Variants in PCDHGA3 observed in about 807,000 individuals in gnomAD.
The protein encoded by PCDHGA3 is protocadherin gamma-A3.
In PCDHGA3, 40 loss-of-function variants were observed where a neutral mutation model predicts 58.5. That is an observed-to-expected ratio of 0.68 (90% CI 0.53 to 0.89). The LOEUF is 0.89. Among genes scored for constraint, PCDHGA3 ranks in the 40% least tolerant of loss-of-function variants. The pLI, the probability that PCDHGA3 is intolerant of heterozygous loss-of-function variation, is 0.00. For synonymous variants in PCDHGA3, 530 were observed against 525.7 expected (o/e 1.01, Z -0.11); for missense variants, 1,223 against 1,195.9 (o/e 1.02, Z -0.33).
At position 141,491,766 on chromosome 5, in the gene PCDHGA3, T is replaced by G. The variant is rs772444495; in HGVS notation, c.2425-3041T>G. On this transcript the variant is annotated intron_variant, in intron 1 of 3. Coordinates refer to ENST00000253812, the MANE Select transcript of PCDHGA3 (RefSeq NM_018916.4). This position sits in a 1 kb window ranked among gnomAD's most constrained non-coding sequence, Gnocchi z 6.9. ...GCACTGGAGAAGCCGCCCGTCCTCA[T>G]AAGGGATTGAACTTGCATCCACTCC... The G allele has an allele frequency of 1.9e-6, 3 of 1,567,856 alleles. No homozygotes were observed. Among genetic ancestry groups the G allele is most frequent in the Non-Finnish European group, 8.6e-7 (1 of 1,158,088 alleles).
At chr5:141,428,081 C>G (rs768842388) in intron 1 of PCDHGA3, 3 of 1,609,218 alleles carry the variant, frequency 1.9e-6, no homozygotes, top group South Asian at 2.2e-5. Context: ...CGGGACACAA[C>G]GCTTGGCTGT....
intron 1 of PCDHGA3, chr5:141,371,657 G>T: frequency 6.2e-7 from 1 of 1,613,988 alleles, no homozygotes; most frequent in Non-Finnish European, 8.5e-7. Context: ...ACAATGTGAC[G>T]ATCACAGCTA....
At chr5:141,360,474 A>G (rs1207223799) in intron 1 of PCDHGA3, 1 of 1,613,864 alleles carries the variant, frequency 6.2e-7, no homozygotes, top group African/African-American at 1.3e-5. Context: ...CTGAAAATCC[A>G]CTAAATATTT....
chr5:141,436,167 G>A (rs933669166), intron 1 of PCDHGA3, among the ~76,000 whole-genome samples: 2 of 152,088 alleles, frequency 1.3e-5, no homozygotes, highest in Non-Finnish European at 2.9e-5. Flanking sequence ...CATATGGACA[G>A]TTCTCATATA....
At chr5:141,389,235 TCA>T (rs2091656158) in intron 1 of PCDHGA3, 4 of 1,614,080 alleles carry the variant, frequency 2.5e-6, no homozygotes, top group Non-Finnish European at 2.5e-6. Flanking sequence ...TCCGGTTTTC[TCA>T]CAGTCTTCCT....
At chr5:141,357,089 G>C (rs762398968) in intron 1 of PCDHGA3, 32 of 1,613,878 alleles carry the variant, frequency 2.0e-5, no homozygotes, top group Non-Finnish European at 2.6e-5. Flanking sequence ...CGCACCGCAC[G>C]GGCCCTGCTG....
chr5:141,410,110 C>T, intron 1 of PCDHGA3: 4 of 1,612,540 alleles, frequency 2.5e-6, no homozygotes, highest in Non-Finnish European at 3.4e-6. Flanking sequence ...GCGACAGGGA[C>T]GCAGCCCGCC....
intron 1 of PCDHGA3, chr5:141,371,312 A>T (rs889882138): frequency 1.9e-6 from 3 of 1,613,910 alleles, no homozygotes; most frequent in African/African-American, 2.7e-5. Context: ...CTATTGGAGA[A>T]CTGGACTTTG....
chr5:141,411,536 A>G (rs1333872781), intron 1 of PCDHGA3: 1 of 152,248 alleles, frequency 6.6e-6, no homozygotes, highest in Admixed American at 6.5e-5. Context: ...GTGAGCCCTG[A>G]TCTTGCCACT....
chr5:141,425,576 G>A (rs2096883993), intron 1 of PCDHGA3, among the ~76,000 whole-genome samples: 1 of 152,166 alleles, frequency 6.6e-6, no homozygotes, highest in Non-Finnish European at 1.5e-5. Flanking sequence ...GAAGGGTTTG[G>A]CTAACTTTAT....
intron 1 of PCDHGA3, among the ~76,000 whole-genome samples, chr5:141,479,965 T>C (rs2099510479): frequency 6.6e-6 from 1 of 152,234 alleles, no homozygotes; most frequent in East Asian, 1.9e-4. Context: ...GTTAGTCAAA[T>C]GAGGTTCTAC....
Position 141,487,265 on chromosome 5 carries a change from G to C in PCDHGA3, c.2425-7542G>C, listed in dbSNP as rs144347539. 6,978 of 1,614,152 alleles carry C rather than the reference G, an allele frequency of 4.3e-3. 28 individuals carry two copies. Among genetic ancestry groups the C allele is most frequent in the Non-Finnish European group, 4.9e-3 (5,770 of 1,180,028 alleles). ...AACCCTCTACTTGGCTGTGTCCCTA[G>C]TGGCAATTTGCTTTGTCTCCTTTGG... On this transcript the variant is annotated intron_variant, in intron 1 of 3. Coordinates refer to ENST00000253812, the MANE Select transcript of PCDHGA3 (RefSeq NM_018916.4). This position sits in a 1 kb window ranked among gnomAD's most constrained non-coding sequence, Gnocchi z 5.0.
chr5:141,392,914 C>G (rs2092626800), intron 1 of PCDHGA3: 1 of 1,613,786 alleles, frequency 6.2e-7, no homozygotes. Context: ...ATTCGCTACT[C>G]TGTGCCAGAA....
At chr5:141,480,033 C>T (rs370321166) in intron 1 of PCDHGA3, among the ~76,000 whole-genome samples, 1 of 152,106 alleles carries the variant, frequency 6.6e-6, no homozygotes, top group African/African-American at 2.4e-5. Flanking sequence ...AAGCCTCTTC[C>T]TCATATGCAA....
At chr5:141,479,090 T>G (rs1424205731) in intron 1 of PCDHGA3, among the ~76,000 whole-genome samples, 2 of 152,244 alleles carry the variant, frequency 1.3e-5, no homozygotes, top group Non-Finnish European at 2.9e-5. Flanking sequence ...CCAGGCATCC[T>G]TTAAATTTTA....
chr5:141,352,527 C>T, intron 1 of PCDHGA3: 1 of 1,614,016 alleles, frequency 6.2e-7, no homozygotes, highest in Non-Finnish European at 8.5e-7. Flanking sequence ...GCCTCTCATT[C>T]TGCAAAGACA....
In PCDHGA3 at chr5:141,454,796, A is replaced by ATTTT. The variant is rs61612330; in HGVS notation, c.2425-39985_2425-39982dup. Among the ~76,000 whole-genome samples, 123 of 77,452 alleles carry ATTTT rather than the reference A, an allele frequency of 1.6e-3. 16 individuals are homozygous for ATTTT. The highest frequency in any genetic ancestry group is 7.2e-3 in the South Asian group (14 of 1,958). 50.8% of individuals were successfully genotyped at this position (77,452 alleles called of 152,430 possible). On this transcript the variant is annotated intron_variant, in intron 1 of 3. Coordinates refer to ENST00000253812, the MANE Select transcript of PCDHGA3 (RefSeq NM_018916.4). ...AAGGAAATAATCCTCCATGGTTCTAATTTTTTTTTTTTTTTTTTTTTTTTT... is the reference window on the plus strand; with the variant it reads ...AAGGAAATAATCCTCCATGGTTCTAATTTTTTTTTTTTTTTTTTTTTTTTTTTTT...
chr5:141,471,964 T>C lies in PCDHGA3; in HGVS notation c.2425-22843T>C, dbSNP rs138170906. Among the ~76,000 whole-genome samples, 591 of 152,278 alleles carry C rather than the reference T, an allele frequency of 3.9e-3. 6 individuals are homozygous for C. Among genetic ancestry groups the C allele is most frequent in the Admixed American group, 0.011 (171 of 15,292 alleles). On this transcript the variant is annotated intron_variant, in intron 1 of 3. Transcript: ENST00000253812. ...TCTAAAACTGGATTGTGGGGTTGGT[T>C]GCATTACTGTATAAATTTATTAAAA...
chr5:141,416,523 C>G (rs2096035969), intron 1 of PCDHGA3: 1 of 152,064 alleles, frequency 6.6e-6, no homozygotes, highest in Admixed American at 6.6e-5. Flanking sequence ...TTCAGTGGCT[C>G]TTTAATGTAT....
Sources: allele counts gnomAD v4.1 joint callset (sites outside exome capture counted in the v4.1 genomes callset), GRCh38; gene constraint gnomAD v4.1.1; non-coding constraint Gnocchi (gnomAD v3.1); transcripts MANE v1.5; gene names NCBI Gene and HGNC (gene_info 2026-07-23, HGNC 2026-07-21).